IP6K3: variants seen among roughly 807,000 people sequenced by gnomAD.
The protein encoded by IP6K3 is ATP:1D-myo-inositol-hexakisphosphate phosphotransferase.
In IP6K3, 20 loss-of-function variants were observed where a neutral mutation model predicts 28.8. The ratio of observed to expected loss-of-function variants is 0.70; its 90% CI spans 0.49 to 1.01. The LOEUF is 1.01. Ranked by LOEUF, IP6K3 falls within the 50% of genes least tolerant of loss-of-function variation. The pLI is 0.00. For missense variants in IP6K3, 480 were observed against 537.1 expected (o/e 0.89, Z 1.05); for synonymous variants, 213 against 221.3 (o/e 0.96, Z 0.33).
intron 2 of IP6K3, among the ~76,000 whole-genome samples, chr6:33,732,707 G>A (rs1161175441): frequency 6.6e-6 from 1 of 152,178 alleles, no homozygotes; most frequent in Non-Finnish European, 1.5e-5. Context: ...GCGGATAAAG[G>A]TCCCTGCCTC....
At chr6:33,734,774 C>G (rs1045998918) in intron 2 of IP6K3, among the ~76,000 whole-genome samples, 11 of 152,248 alleles carry the variant, frequency 7.2e-5, no homozygotes, top group African/African-American at 2.7e-4. Flanking sequence ...AGCGGCAGCC[C>G]GTATCCCTGG....
upstream of IP6K3, among the ~76,000 whole-genome samples, chr6:33,750,615 C>T (rs1283270949): frequency 6.6e-6 from 1 of 152,206 alleles, no homozygotes; most frequent in African/African-American, 2.4e-5. The surrounding 1 kb of genome is among the most constrained non-coding windows in gnomAD (Gnocchi z 4.3). Flanking sequence ...GTTTGCTCAA[C>T]GCTATGTCCT....
upstream of IP6K3, among the ~76,000 whole-genome samples, chr6:33,748,853 G>T (rs1409907611): frequency 2.3e-5 from 3 of 128,568 alleles, no homozygotes; most frequent in Non-Finnish European, 4.6e-5. Flanking sequence ...GGTTTAAAGT[G>T]GGGTGGGGAT....
intron 1 of IP6K3, among the ~76,000 whole-genome samples, chr6:33,736,761 A>T (rs1024041863): frequency 1.3e-5 from 2 of 152,174 alleles, no homozygotes; most frequent in Non-Finnish European, 2.9e-5. Context: ...ACATCATGAT[A>T]CCATGACATA....
chr6:33,757,905 A>G, the IP6K3 span, among the ~76,000 whole-genome samples: 12 of 152,316 alleles, frequency 7.9e-5, no homozygotes, highest in South Asian at 6.2e-4. Flanking sequence ...AAGTCTCTCA[A>G]ACTGGAAGCC....
At chr6:33,739,906 T>G (rs1259953504) in intron 1 of IP6K3, among the ~76,000 whole-genome samples, 2 of 152,326 alleles carry the variant, frequency 1.3e-5, no homozygotes, top group Non-Finnish European at 2.9e-5. Context: ...TGCCACAGCC[T>G]TGTCATGATG....
In IP6K3 at chr6:33,726,707, A is replaced by G. The variant is rs750136316; in HGVS notation, c.589+24T>C. On this transcript the variant is annotated intron_variant, in intron 4 of 5. Coordinates refer to ENST00000293756, the MANE Select transcript of IP6K3 (RefSeq NM_054111.5). ...TCTGTCGCCCCGCCCTTGGGACCAC[A>G]TGTGAGGGGGATGGCAAGGATACGA... 180 of 1,552,222 alleles carry G rather than the reference A, an allele frequency of 1.2e-4. 3 individuals are homozygous for G. The South Asian group carries it at 2.0e-3, about 17-fold the overall frequency.
upstream of IP6K3, among the ~76,000 whole-genome samples, chr6:33,747,773 G>A (rs1048151282): frequency 6.6e-6 from 1 of 152,140 alleles, no homozygotes; most frequent in South Asian, 2.1e-4. This position sits in a 1 kb window ranked among gnomAD's most constrained non-coding sequence, Gnocchi z 5.2. Flanking sequence ...CTCAGCCTCT[G>A]GGAGGAACTG....
upstream of IP6K3, among the ~76,000 whole-genome samples, chr6:33,747,333 C>T (rs375021232): frequency 1.3e-5 from 2 of 152,282 alleles, no homozygotes; most frequent in South Asian, 2.1e-4. The surrounding 1 kb of genome is among the most constrained non-coding windows in gnomAD (Gnocchi z 5.2). Flanking sequence ...GAAAGTCAGG[C>T]GGCAAGACGT....
Position 33,728,201 on chromosome 6 carries a change from T to C in IP6K3, c.299A>G (p.Glu100Gly). Residue 100 changes from glutamate (E) to glycine (G), a missense_variant, in exon 3 of 6, where the codon GAG (glutamate) becomes GGG (glycine). Coordinates refer to ENST00000293756, the MANE Select transcript of IP6K3 (RefSeq NM_054111.5). ...ESQEPFKVST[E>G]SAAVAIWQTL... ...CTGCCATATGGCCACCGCCGCCGAC[T>C]CTGTGGAGACCTTGAAGGGCTCCTG... 1 of 1,614,136 alleles carries C rather than the reference T, an allele frequency of 6.2e-7. No homozygotes were observed. Among genetic ancestry groups the C allele is most frequent in the East Asian group, 2.2e-5 (1 of 44,872 alleles).
upstream of IP6K3, among the ~76,000 whole-genome samples, chr6:33,748,877 C>T (rs977440388): frequency 2.0e-5 from 3 of 152,034 alleles, no homozygotes; most frequent in African/African-American, 4.8e-5. Flanking sequence ...ATCCTCCCCT[C>T]CCTGCCCCCT....
chr6:33,728,433 T>C, intron 2 of IP6K3, 133 bp from the exon 3 acceptor site: 1 of 792,052 alleles, frequency 1.3e-6, no homozygotes, highest in Middle Eastern at 3.0e-4. Flanking sequence ...AGCTCCTCTC[T>C]CAAGGAAGAG....
intron 1 of IP6K3, among the ~76,000 whole-genome samples, chr6:33,741,670 A>G (rs914626643): frequency 8.1e-6 from 1 of 123,358 alleles, no homozygotes; most frequent in African/African-American, 2.7e-5. Flanking sequence ...AAAAAAAAAA[A>G]GCCGGGCACA....
chr6:33,740,109 C>G (rs1337301721), intron 1 of IP6K3, among the ~76,000 whole-genome samples: 1 of 152,194 alleles, frequency 6.6e-6, no homozygotes, highest in African/African-American at 2.4e-5. Context: ...AGACAGTTGT[C>G]CCTGTCTTCA....
At chr6:33,735,751 A>C in intron 1 of IP6K3, 96 bp from the exon 2 acceptor site, 1 of 572,482 alleles carries the variant, frequency 1.7e-6, no homozygotes, top group Non-Finnish European at 3.0e-6. Context: ...CGACCCCAGA[A>C]CAGGTTCCTC....
intron 5 of IP6K3, among the ~76,000 whole-genome samples, chr6:33,724,515 A>C (rs1210217290): frequency 6.6e-6 from 1 of 152,252 alleles, no homozygotes; most frequent in Non-Finnish European, 1.5e-5. Flanking sequence ...GTCATAAGCC[A>C]CATCAGAGCC....
intron 1 of IP6K3, chr6:33,739,235 G>T (rs1487207062): frequency 6.6e-6 from 1 of 152,094 alleles, no homozygotes; most frequent in East Asian, 1.9e-4. Flanking sequence ...GGACGGATTG[G>T]CAGCGATTGT....
intron 5 of IP6K3, among the ~76,000 whole-genome samples, chr6:33,723,444 C>T (rs140764911): frequency 6.6e-6 from 1 of 152,314 alleles, no homozygotes; most frequent in East Asian, 1.9e-4. Context: ...GGTGACCCTC[C>T]ACCCACGAGG....
At chr6:33,734,586 T>C (rs1313869422) in intron 2 of IP6K3, among the ~76,000 whole-genome samples, 1 of 152,202 alleles carries the variant, frequency 6.6e-6, no homozygotes, top group African/African-American at 2.4e-5. Flanking sequence ...GCTGAGCCCT[T>C]TGAGCCTCAC....
Sources: allele counts gnomAD v4.1 joint callset (sites outside exome capture counted in the v4.1 genomes callset), GRCh38; gene constraint gnomAD v4.1.1; non-coding constraint Gnocchi (gnomAD v3.1); transcripts MANE v1.5; gene names NCBI Gene and HGNC (gene_info 2026-07-23, HGNC 2026-07-21).